TMEM114: variants seen among roughly 807,000 people sequenced by gnomAD.
TMEM114 encodes the protein transmembrane protein 114, also known as claudin-26.
TMEM114 carries 6 observed loss-of-function variants against 6.2 expected under a neutral mutation model. The ratio of observed to expected loss-of-function variants is 0.97; its 90% CI spans 0.53 to 1.91. TMEM114 has a LOEUF of 1.91. Ranked by LOEUF, TMEM114 falls within the 40% of genes most tolerant of loss-of-function variation. The probability of loss-of-function intolerance (pLI) is 0.01; values close to 1 mark genes in which losing one functional copy is unlikely to be tolerated. For missense variants in TMEM114, 218 were observed against 158.3 expected, an observed-to-expected ratio of 1.38 and a Z score of -2.02; for synonymous variants, 104 against 73.0, an observed-to-expected ratio of 1.42 and a Z score of -2.16.
At chr16:8,566,072 C>T (rs964185781), downstream of TMEM114, among the ~76,000 whole-genome samples, 1 of 152,002 alleles carries the variant, frequency 6.6e-6, no homozygotes, top group African/African-American at 2.4e-5. Context: ...CAGGACAGAT[C>T]GAAACAGAAT....
In TMEM114 at chr16:8,590,001, TTAGACC is replaced by T; in HGVS notation, c.-169_-164del. On this transcript the variant is annotated 5_prime_UTR_variant, in exon 1 of 4. Coordinates refer to ENST00000620492, the MANE Select transcript of TMEM114 (RefSeq NM_001146336.2). ...TTTCCTTTGGACCCCGGGCCCTAGC[TTAGACC>T]CTGGCTCCTCACCTGCCGGCTCCGA... The T allele has an allele frequency of 2.6e-6, 1 of 383,012 alleles. No individual in the cohort carries two copies. The highest frequency in any genetic ancestry group is 4.6e-6 in the Non-Finnish European group (1 of 216,568). The allele number at this position is 383,012 out of a possible 1,614,324, so 23.7% of individuals were successfully genotyped here.
chr16:8,589,963 A>G lies in TMEM114; in HGVS notation c.-125T>C, dbSNP rs958421316. 2.6e-6 allele frequency: 1 copy of G among 386,654 alleles called. No homozygotes were observed. Among genetic ancestry groups the G allele is most frequent in the Non-Finnish European group, 4.6e-6 (1 of 218,922 alleles). The allele number at this position is 386,654 out of a possible 1,614,324, so 24.0% of individuals were successfully genotyped here. ...CACCGCCGCCAGAGCCGCGGAGCTC[A>G]GATCTGAAAGCCTTTCCTTTGGACC... On this transcript the variant is annotated 5_prime_UTR_variant, in exon 1 of 4. Coordinates refer to ENST00000620492, the MANE Select transcript of TMEM114 (RefSeq NM_001146336.2).
At chr16:8,554,049 T>G (rs944052367) in intron 2 of TMEM114, among the ~76,000 whole-genome samples, 3 of 152,044 alleles carry the variant, frequency 2.0e-5, no homozygotes, top group African/African-American at 7.2e-5. Context: ...CAGTTAATTT[T>G]TGTGTTTTTT....
At chr16:8,549,181 CAAAAAA>C (rs1216258524) in intron 2 of TMEM114, among the ~76,000 whole-genome samples, 2 of 49,312 alleles carry the variant, frequency 4.1e-5, no homozygotes, top group African/African-American at 1.7e-4. Context: ...GACTCCATCT[CAAAAAA>C]AAAAAAAAAA....
At chr16:8,577,376 T>C (rs1232675286) in intron 2 of TMEM114, among the ~76,000 whole-genome samples, 4 of 152,214 alleles carry the variant, frequency 2.6e-5, no homozygotes, top group Admixed American at 2.6e-4. Context: ...AGTTCTGTCA[T>C]TCCCTGTTGA....
At chr16:8,585,124 A>T (rs919114672) in intron 2 of TMEM114, among the ~76,000 whole-genome samples, 3 of 152,144 alleles carry the variant, frequency 2.0e-5, no homozygotes, top group African/African-American at 7.2e-5. Context: ...GGGTTTGTGC[A>T]GGGGAACCCC....
At chr16:8,566,462 A>C (rs1901549290), downstream of TMEM114, among the ~76,000 whole-genome samples, 1 of 147,648 alleles carries the variant, frequency 6.8e-6, no homozygotes, top group African/African-American at 2.4e-5. Context: ...AATGGATCAG[A>C]ACACAACAGA....
chr16:8,587,686 C>T (rs1031655843), intron 2 of TMEM114, among the ~76,000 whole-genome samples: 59 of 152,310 alleles, frequency 3.9e-4, no homozygotes, highest in African/African-American at 1.2e-3. Flanking sequence ...TTATCCCCAG[C>T]CTCAGTAAGT....
At chr16:8,554,430 G>A (rs1217533441) in intron 2 of TMEM114, among the ~76,000 whole-genome samples, 1 of 151,864 alleles carries the variant, frequency 6.6e-6, no homozygotes, top group African/African-American at 2.4e-5. Flanking sequence ...TAAAAATGAG[G>A]CACCATTGCT....
intron 2 of TMEM114, among the ~76,000 whole-genome samples, chr16:8,582,890 C>T (rs578069691): frequency 6.6e-6 from 1 of 150,778 alleles, no homozygotes; most frequent in Non-Finnish European, 1.5e-5. Flanking sequence ...CAGAGTGAGA[C>T]AAGAAAAGAG....
At chr16:8,537,043 A>G (rs1330694828), downstream of TMEM114, among the ~76,000 whole-genome samples, 1 of 151,962 alleles carries the variant, frequency 6.6e-6, no homozygotes, top group Non-Finnish European at 1.5e-5. Context: ...CTATGTCTAC[A>G]AAAAATTTAA....
intron 2 of TMEM114, among the ~76,000 whole-genome samples, chr16:8,540,324 C>G (rs902344322): frequency 2.6e-5 from 4 of 152,230 alleles, no homozygotes; most frequent in Admixed American, 6.5e-5. Context: ...TGGAGTCCAG[C>G]CACCTGAGCA....
At chr16:8,542,051 T>C (rs1316067873) in intron 2 of TMEM114, among the ~76,000 whole-genome samples, 2 of 152,072 alleles carry the variant, frequency 1.3e-5, no homozygotes, top group Admixed American at 1.3e-4. Context: ...ACGCCAACAT[T>C]AGGCAGAAAT....
At chr16:8,553,828 T>C (rs2141661455) in intron 2 of TMEM114, among the ~76,000 whole-genome samples, 1 of 151,902 alleles carries the variant, frequency 6.6e-6, no homozygotes, top group East Asian at 1.9e-4. Flanking sequence ...GCCTCCCAAG[T>C]AGCTGGAATT....
chr16:8,585,932 G>A (rs879830919), intron 2 of TMEM114, among the ~76,000 whole-genome samples: 26 of 152,192 alleles, frequency 1.7e-4, no homozygotes, highest in African/African-American at 5.5e-4. Flanking sequence ...GTGAAACTGC[G>A]GGTTAGCCCT....
chr16:8,546,034 G>C (rs114441310), intron 2 of TMEM114, among the ~76,000 whole-genome samples: 3,992 of 152,242 alleles, frequency 0.026, 145 homozygotes, highest in East Asian at 0.15. Context: ...AGGATCACTT[G>C]AGCCCAGAAG....
intron 2 of TMEM114, among the ~76,000 whole-genome samples, chr16:8,580,952 A>G (rs1464112328): frequency 1.3e-5 from 2 of 152,220 alleles, no homozygotes; most frequent in Non-Finnish European, 2.9e-5. Flanking sequence ...TCGGCCTCCC[A>G]AAGTGCTGGG....
downstream of TMEM114, among the ~76,000 whole-genome samples, chr16:8,567,581 C>A (rs11647377): frequency 0.023 from 3,549 of 152,286 alleles, 74 homozygotes; most frequent in Non-Finnish European, 0.035. Flanking sequence ...AGGAGCATCC[C>A]TGGCCTCTTC....
intron 2 of TMEM114, among the ~76,000 whole-genome samples, chr16:8,586,804 C>A (rs1902337008): frequency 6.6e-6 from 1 of 152,310 alleles, no homozygotes; most frequent in South Asian, 2.1e-4. Context: ...GCCACCACGC[C>A]TGGCCGAATT....
Sources: allele counts gnomAD v4.1 joint callset (sites outside exome capture counted in the v4.1 genomes callset), GRCh38; gene constraint gnomAD v4.1.1; transcripts MANE v1.5; gene names NCBI Gene and HGNC (gene_info 2026-07-23, HGNC 2026-07-21).